GPC5: variants seen among roughly 807,000 people sequenced by gnomAD.
GPC5 encodes glypican 5.
In GPC5, 47 loss-of-function variants were observed where a neutral mutation model predicts 53.9. The observed-to-expected ratio is 0.87, with a 90% confidence interval of 0.69 to 1.11. The LOEUF (loss-of-function observed/expected upper bound fraction) is 1.11, where lower values mean the gene tolerates loss of function less well. GPC5 is among the 50% of genes most tolerant of loss of function. The probability of loss-of-function intolerance (pLI) is 0.00; values close to 1 mark genes in which losing one functional copy is unlikely to be tolerated. For synonymous variants in GPC5, 286 were observed against 263.3 expected, an observed-to-expected ratio of 1.09 and a Z score of -0.84; for missense variants, 748 against 713.1, an observed-to-expected ratio of 1.05 and a Z score of -0.56.
At chr13:91,616,931 G>C (rs1218868963) in intron 2 of GPC5, among the ~76,000 whole-genome samples, 2 of 151,928 alleles carry the variant, frequency 1.3e-5, no homozygotes, top group African/African-American at 2.4e-5. Flanking sequence ...TGATTTTCCT[G>C]TCTTTGCACA....
intron 7 of GPC5, among the ~76,000 whole-genome samples, chr13:92,256,773 T>C (rs2139135634): frequency 6.6e-6 from 1 of 152,150 alleles, no homozygotes; most frequent in African/African-American, 2.4e-5. Flanking sequence ...AAAAAACACA[T>C]TCCCATGTGT....
chr13:91,735,042 G>A (rs1178181978), intron 4 of GPC5, among the ~76,000 whole-genome samples: 1 of 150,748 alleles, frequency 6.6e-6, no homozygotes, highest in African/African-American at 2.5e-5. Flanking sequence ...TAAGAAAATA[G>A]TTCATTTAAT....
chr13:92,180,461 T>A (rs1301772237), intron 7 of GPC5, among the ~76,000 whole-genome samples: 5 of 152,166 alleles, frequency 3.3e-5, no homozygotes, highest in Admixed American at 6.5e-5. Context: ...ATTCTCCAAA[T>A]GTCAACAGTG....
chr13:92,220,520 T>C (rs527782440), intron 7 of GPC5, among the ~76,000 whole-genome samples: 94 of 152,162 alleles, frequency 6.2e-4, no homozygotes, highest in Non-Finnish European at 1.2e-3. Context: ...AAGATACAGA[T>C]AGCAATTTTC....
At position 91,939,389 on chromosome 13, in the gene GPC5, G is replaced by A. The variant is rs5017356; in HGVS notation, c.1401+31332G>A. ...ACTCTGAGAGTATTAGTTAATATAT[G>A]ACGTAGCCAAGGGAGGCTAGAACTC... On this transcript the variant is annotated intron_variant, in intron 6 of 7. Transcript: ENST00000377067. Among the ~76,000 whole-genome samples, 4 of 152,090 alleles carry A rather than the reference G, an allele frequency of 2.6e-5. No homozygotes were observed. The East Asian group carries it at 5.8e-4, about 22-fold the overall frequency.
intron 5 of GPC5, among the ~76,000 whole-genome samples, chr13:91,834,137 C>T (rs982826673): frequency 6.6e-6 from 1 of 152,078 alleles, no homozygotes; most frequent in African/African-American, 2.4e-5. Flanking sequence ...AGTGAACTCC[C>T]ATTCACAATT....
intron 7 of GPC5, among the ~76,000 whole-genome samples, chr13:92,266,509 G>A (rs1046324930): frequency 2.0e-5 from 3 of 152,070 alleles, no homozygotes; most frequent in Non-Finnish European, 2.9e-5. Flanking sequence ...AGAAAACATC[G>A]GAGAATTCAC....
intron 7 of GPC5, among the ~76,000 whole-genome samples, chr13:92,367,990 G>T (rs535404347): frequency 5.3e-5 from 8 of 152,008 alleles, no homozygotes; most frequent in African/African-American, 1.9e-4. Flanking sequence ...TGTGTGTGGC[G>T]GGGGCAGGCG....
At chr13:92,719,606 T>G (rs2139284644) in intron 7 of GPC5, among the ~76,000 whole-genome samples, 1 of 152,298 alleles carries the variant, frequency 6.6e-6, no homozygotes, top group Admixed American at 6.5e-5. Flanking sequence ...CCAGAGGTTC[T>G]AACAATTCCA....
intron 3 of GPC5, among the ~76,000 whole-genome samples, chr13:91,699,565 C>T (rs779075375): frequency 6.6e-6 from 1 of 152,084 alleles, no homozygotes; most frequent in Non-Finnish European, 1.5e-5. Flanking sequence ...GTACATGGCT[C>T]TTCTGAGGAA....
chr13:91,423,235 G>A (rs891999059), intron 1 of GPC5, among the ~76,000 whole-genome samples: 2 of 152,160 alleles, frequency 1.3e-5, no homozygotes, highest in Admixed American at 1.3e-4. Context: ...CTGGTTAAGT[G>A]CATGAGTTTT....
rs1384496787 is a variant in GPC5 at position 91,962,283 on chromosome 13, C to A, written c.1401+54226C>A. On this transcript the variant is annotated intron_variant, in intron 6 of 7. Coordinates refer to ENST00000377067, the MANE Select transcript of GPC5 (RefSeq NM_004466.6). ...CTTCTTTTGAAACTGAAATTAACAT[C>A]CTTTTGCCATGAATACAGAATTTTA... 3.9e-5 allele frequency among the ~76,000 whole-genome samples: 6 copies of A among 152,106 alleles called. No homozygotes were observed. In the South Asian group the frequency reaches 1.2e-3, roughly 32 times the overall value.
chr13:92,254,320 G>A (rs1023159296), intron 7 of GPC5, among the ~76,000 whole-genome samples: 2 of 152,090 alleles, frequency 1.3e-5, no homozygotes, highest in Admixed American at 6.6e-5. Flanking sequence ...AATACATTAG[G>A]CATTCTCAAA....
At chr13:91,595,894 GGTGTTTTGGACT>G (rs1188018684) in intron 2 of GPC5, among the ~76,000 whole-genome samples, 2 of 152,258 alleles carry the variant, frequency 1.3e-5, no homozygotes, top group African/African-American at 4.8e-5. Flanking sequence ...ATCCAGTGGT[GGTGTTTTGGACT>G]GATTATCTAT....
Position 92,546,657 on chromosome 13 carries a change from G to T in GPC5, c.1562-319625G>T, listed in dbSNP as rs192781444. On this transcript the variant is annotated intron_variant, in intron 7 of 7. Transcript: ENST00000377067. ...ACCAATGACTTTCTTCACAGAATTG[G>T]AAAAAACTACTTTAAAGTTCATATG... Among the ~76,000 whole-genome samples the T allele has an allele frequency of 4.2e-3, 638 of 152,152 alleles. 5 individuals are homozygous for T. The highest frequency in any genetic ancestry group is 0.015 in the African/African-American group (604 of 41,524).
intron 7 of GPC5, among the ~76,000 whole-genome samples, chr13:92,268,423 G>A (rs748298750): frequency 2.0e-5 from 3 of 151,662 alleles, no homozygotes; most frequent in Non-Finnish European, 4.4e-5. Flanking sequence ...GTATCATACA[G>A]TTTTTAAATC....
At chr13:92,387,517 A>G (rs1301623541) in intron 7 of GPC5, among the ~76,000 whole-genome samples, 1 of 152,070 alleles carries the variant, frequency 6.6e-6, no homozygotes. Flanking sequence ...ACAGCCTCAC[A>G]GAGTAGTTGC....
chr13:92,750,574 T>G (rs1359433479), intron 7 of GPC5, among the ~76,000 whole-genome samples: 2 of 152,084 alleles, frequency 1.3e-5, no homozygotes, highest in Non-Finnish European at 2.9e-5. Context: ...AAAAGGAAAT[T>G]GTCCTTATGA....
chr13:91,818,529 GCA>G (rs1470707684), intron 5 of GPC5, among the ~76,000 whole-genome samples: 4 of 152,068 alleles, frequency 2.6e-5, no homozygotes, highest in Non-Finnish European at 5.9e-5. Flanking sequence ...ATGTTTATTT[GCA>G]CAGTTTTAGT....
Sources: gnomAD v4.1 joint callset for allele counts (sites outside exome capture counted in the v4.1 genomes callset) on GRCh38, gnomAD v4.1.1 for gene constraint, MANE v1.5 for transcripts, NCBI Gene and HGNC (gene_info 2026-07-23, HGNC 2026-07-21) for gene names.